SOS2: variants seen among roughly 807,000 people sequenced by gnomAD.
The protein encoded by SOS2 is SOS Ras/Rho guanine nucleotide exchange factor 2, also known as son of sevenless homolog 2.
SOS2 carries 65 observed loss-of-function variants against 148.2 expected under a neutral mutation model. The observed-to-expected ratio is 0.44, with a 90% CI of 0.36 to 0.54. The LOEUF is 0.54. Among genes scored for constraint, SOS2 ranks in the 20% least tolerant of loss-of-function variants. The pLI is 0.00. For synonymous variants in SOS2, 539 were observed against 537.1 expected (o/e 1.00, Z -0.05); for missense variants, 1,341 against 1,590.2 (o/e 0.84, Z 2.67).
intron 1 of SOS2, chr14:50,215,252 G>T: frequency 2.2e-6 from 1 of 449,426 alleles, no homozygotes; most frequent in Non-Finnish European, 3.6e-6. Flanking sequence ...CTGTGATTAT[G>T]ATTTTGTTAA....
At chr14:50,133,242 C>CTTTTT (rs753590435) in intron 19 of SOS2, among the ~76,000 whole-genome samples, 1,135 of 78,652 alleles carry the variant, frequency 0.014, 122 homozygotes, top group African/African-American at 0.023. Context: ...TTTCTTTTTT[C>CTTTTT]TTTTTTCTTT....
chr14:50,183,222 A>C (rs1214683083), intron 5 of SOS2, among the ~76,000 whole-genome samples: 1 of 152,156 alleles, frequency 6.6e-6, no homozygotes, highest in African/African-American at 2.4e-5. Context: ...TCAGAGGTAG[A>C]AACTATTAAT....
chr14:50,174,385 CA>C, intron 8 of SOS2, 68 bp downstream of exon 8: 1 of 738,930 alleles, frequency 1.4e-6, no homozygotes, highest in Non-Finnish European at 2.1e-6. Context: ...TGTGTGTCTC[CA>C]AAATTAATTT....
intron 6 of SOS2, 96 bp downstream of exon 6, chr14:50,182,367 A>C (rs1885772210): frequency 5.5e-6 from 6 of 1,098,736 alleles, no homozygotes; most frequent in Non-Finnish European, 8.1e-6. Flanking sequence ...TTTTTTATGG[A>C]AACGGGGTCT....
intron 16 of SOS2, among the ~76,000 whole-genome samples, chr14:50,143,311 G>C (rs1459619206): frequency 7.6e-6 from 1 of 130,732 alleles, no homozygotes; most frequent in African/African-American, 2.9e-5. Flanking sequence ...GGGTGACAGA[G>C]CAAGCTTGAC....
At position 50,177,803 on chromosome 14, in the gene SOS2, G is replaced by T. The variant is rs891036213; in HGVS notation, c.969+2769C>A. On this transcript the variant is annotated intron_variant, in intron 7 of 22. Coordinates refer to ENST00000216373, the MANE Select transcript of SOS2 (RefSeq NM_006939.4). ...TAGTACAGAAGGCAGGGAGAAGATG[G>T]TAAGTTCAGTTTTAAACATGTCATA... is the stretch of plus-strand genomic sequence containing the variant. Among the ~76,000 whole-genome samples, 6 of 152,240 alleles carry T rather than the reference G, an allele frequency of 3.9e-5. 1 individual carries two copies. Among genetic ancestry groups the T allele is most frequent in the African/African-American group, 1.4e-4 (6 of 41,530 alleles).
chr14:50,194,562 G>GGT (rs1886256982), intron 4 of SOS2, among the ~76,000 whole-genome samples: 1 of 147,978 alleles, frequency 6.8e-6, no homozygotes, highest in Non-Finnish European at 1.5e-5. Flanking sequence ...GATCACCTGA[G>GGT]GTCAGGAGTT....
chr14:50,191,254 C>T (rs1424398856), intron 4 of SOS2, among the ~76,000 whole-genome samples: 2 of 152,026 alleles, frequency 1.3e-5, no homozygotes, highest in Non-Finnish European at 2.9e-5. Context: ...CACTTGAGGC[C>T]AGGCATTCAA....
intron 18 of SOS2, among the ~76,000 whole-genome samples, chr14:50,135,555 TTATATA>T (rs966950690): frequency 4.0e-5 from 6 of 148,206 alleles, no homozygotes; most frequent in African/African-American, 1.5e-4. Context: ...TATTAATAAT[TTATATA>T]TATATTTTCC....
intron 8 of SOS2, among the ~76,000 whole-genome samples, chr14:50,164,177 A>G (rs1001980571): frequency 5.9e-5 from 9 of 152,184 alleles, no homozygotes; most frequent in African/African-American, 2.2e-4. Context: ...AAGGTGGCTC[A>G]CACTTGTAAT....
At chr14:50,223,431 T>C (rs1887256780) in intron 1 of SOS2, among the ~76,000 whole-genome samples, 1 of 152,000 alleles carries the variant, frequency 6.6e-6, no homozygotes, top group East Asian at 1.9e-4. Flanking sequence ...TCCCAGTACT[T>C]TGGGAGGCCG....
At chr14:50,221,400 C>A (rs1411490079) in intron 1 of SOS2, among the ~76,000 whole-genome samples, 5 of 152,266 alleles carry the variant, frequency 3.3e-5, no homozygotes, top group African/African-American at 1.2e-4. Context: ...TGACAAGGTG[C>A]CTGCACACAG....
At chr14:50,169,672 G>A (rs1032685772) in intron 8 of SOS2, among the ~76,000 whole-genome samples, 12 of 151,880 alleles carry the variant, frequency 7.9e-5, no homozygotes, top group Non-Finnish European at 1.5e-4. Context: ...TTGGTTTATT[G>A]TTACTCATGG....
At chr14:50,153,462 A>G (rs912554329) in intron 12 of SOS2, among the ~76,000 whole-genome samples, 3 of 152,194 alleles carry the variant, frequency 2.0e-5, no homozygotes, top group Admixed American at 1.3e-4. Context: ...CCCTTTATTC[A>G]TATGTAGAAA....
At chr14:50,123,517 G>A (rs575277573) in intron 21 of SOS2, among the ~76,000 whole-genome samples, 1 of 152,018 alleles carries the variant, frequency 6.6e-6, no homozygotes, top group East Asian at 1.9e-4. Context: ...GAGTATGCTG[G>A]GATTACAGGT....
Position 50,121,424 on chromosome 14 carries a change from C to T in SOS2, c.3380-1040G>A, listed in dbSNP as rs570689219. Among the ~76,000 whole-genome samples the T allele has an allele frequency of 1.5e-3, 221 of 151,764 alleles. 1 individual carries two copies. Among genetic ancestry groups the T allele is most frequent in the South Asian group, 0.013 (62 of 4,824 alleles). ...AAGTTGATAAGTTTAACTTTAAACA[C>T]TCTAACTGAACTGCTTATGAGACAT... On this transcript the variant is annotated intron_variant, in intron 21 of 22. Coordinates refer to ENST00000216373, the MANE Select transcript of SOS2 (RefSeq NM_006939.4).
Position 50,174,332 on chromosome 14 carries a change from A to T in SOS2, c.1068+122T>A, listed in dbSNP as rs907578806. On this transcript the variant is annotated intron_variant, in intron 8 of 22. Transcript: ENST00000216373. ...ATTTAGAGCAATGTTACATATAAAAATTATTAAATACTTACATAAAATAAG... is the reference window on the plus strand; with the variant it reads ...ATTTAGAGCAATGTTACATATAAAATTTATTAAATACTTACATAAAATAAG... 1.1e-4 allele frequency: 36 copies of T among 330,566 alleles called. No homozygotes were observed. The African/African-American group carries it at 1.8e-3, about 17-fold the overall frequency. The allele number at this position is 330,566 out of a possible 1,614,324, so 20.5% of individuals were successfully genotyped here. A position where few individuals can be genotyped will look rare whatever the true frequency, so the allele number is the denominator to read the frequency against.
chr14:50,181,992 T>TA (rs71118851), intron 6 of SOS2, among the ~76,000 whole-genome samples: 41,836 of 131,110 alleles, frequency 0.32, 6,395 homozygotes, highest in Admixed American at 0.42. Context: ...TACTTACCAC[T>TA]AAAAAAAAAA....
chr14:50,128,325 A>C (rs961279144), intron 21 of SOS2, among the ~76,000 whole-genome samples: 1 of 152,178 alleles, frequency 6.6e-6, no homozygotes, highest in South Asian at 2.1e-4. Context: ...GGAAACGAAA[A>C]GAAAAGAAAA....
Sources: gnomAD v4.1 joint callset for allele counts (sites outside exome capture counted in the v4.1 genomes callset) on GRCh38, gnomAD v4.1.1 for gene constraint, MANE v1.5 for transcripts, NCBI Gene and HGNC (gene_info 2026-07-23, HGNC 2026-07-21) for gene names.